MALRD1: variants seen among roughly 807,000 people sequenced by gnomAD.
The protein encoded by MALRD1 is MAM and LDL receptor class A domain containing 1.
Under a neutral mutation model 242.1 loss-of-function variants are expected in MALRD1, and 247 were observed. The ratio of observed to expected loss-of-function variants is 1.02; its 90% CI spans 0.92 to 1.13. The LOEUF (loss-of-function observed/expected upper bound fraction) is 1.13, where lower values mean the gene tolerates loss of function less well. Among genes scored for constraint, MALRD1 ranks in the 50% most tolerant of loss-of-function variants. MALRD1 has a pLI of 0.00. For missense variants in MALRD1, 2,989 were observed against 2,533.1 expected (o/e 1.18, Z -3.86); for synonymous variants, 995 against 866.6 (o/e 1.15, Z -2.60).
intron 36 of MALRD1, among the ~76,000 whole-genome samples, chr10:19,642,146 T>C (rs1840415722): frequency 6.6e-6 from 1 of 152,148 alleles, no homozygotes. Context: ...AACATATATT[T>C]TGCTTGTTAG....
chr10:19,141,410 G>A (rs545806176), intron 10 of MALRD1, among the ~76,000 whole-genome samples: 58 of 152,244 alleles, frequency 3.8e-4, no homozygotes, highest in Non-Finnish European at 7.8e-4. Context: ...TGCTTAATGG[G>A]GGTGGAGATT....
At chr10:19,420,472 G>A (rs866496849) in intron 28 of MALRD1, among the ~76,000 whole-genome samples, 1 of 151,582 alleles carries the variant, frequency 6.6e-6, no homozygotes, top group Non-Finnish European at 1.5e-5. Flanking sequence ...TCATGTATTT[G>A]TTTCCATGGA....
At chr10:19,647,135 A>T (rs1030710705) in intron 36 of MALRD1, among the ~76,000 whole-genome samples, 1 of 152,250 alleles carries the variant, frequency 6.6e-6, no homozygotes, top group African/African-American at 2.4e-5. Flanking sequence ...CTGAGGGTAC[A>T]GCTTGAAGCA....
At chr10:19,171,994 TATATATCACATATATGTGATATATATC>T (rs1482999802) in intron 13 of MALRD1, among the ~76,000 whole-genome samples, 1,308 of 11,952 alleles carry the variant, frequency 0.11, 15 homozygotes, top group East Asian at 0.23. Flanking sequence ...ATAATATATG[TATATATCACATATATGTGATATATATC>T]ATATATCACA....
intron 19 of MALRD1, among the ~76,000 whole-genome samples, chr10:19,273,330 A>T (rs1588829574): frequency 6.6e-6 from 1 of 152,150 alleles, no homozygotes; most frequent in Non-Finnish European, 1.5e-5. Flanking sequence ...AAAAGGTTTG[A>T]TATTTTCTTT....
chr10:19,675,242 A>G (rs1313160959), intron 36 of MALRD1, among the ~76,000 whole-genome samples: 2 of 152,178 alleles, frequency 1.3e-5, no homozygotes, highest in African/African-American at 4.8e-5. Flanking sequence ...TAATCTCCTA[A>G]GGACAGAATT....
rs1176184373 is a variant in MALRD1 at position 19,583,208 on chromosome 10, C to T, written c.5681-11986C>T. Among the ~76,000 whole-genome samples, 4 of 147,988 alleles carry T rather than the reference C, an allele frequency of 2.7e-5. No individual in the cohort carries two copies. In the South Asian group the frequency reaches 8.7e-4, roughly 32 times the overall value. On this transcript the variant is annotated intron_variant, in intron 33 of 39. Coordinates refer to ENST00000454679, the MANE Select transcript of MALRD1 (RefSeq NM_001142308.3). ...ACTTCCTCCTTTCCTAATTGAATAC[C>T]CTTTATTTCCTTCTCCTTCCTAATT...
At chr10:19,327,780 T>C in intron 23 of MALRD1, 107 bp downstream of exon 23, 2 of 903,382 alleles carry the variant, frequency 2.2e-6, no homozygotes, top group Non-Finnish European at 3.4e-6. Flanking sequence ...CCCTTTTTGA[T>C]GTGTTCTGTG....
chr10:19,330,534 T>A (rs1843317774), intron 23 of MALRD1, among the ~76,000 whole-genome samples: 1 of 152,176 alleles, frequency 6.6e-6, no homozygotes, highest in South Asian at 2.1e-4. Context: ...TGTTAACATA[T>A]ACATACTTAG....
chr10:19,233,077 T>C (rs2131702713), intron 18 of MALRD1, among the ~76,000 whole-genome samples: 1 of 152,366 alleles, frequency 6.6e-6, no homozygotes, highest in Non-Finnish European at 1.5e-5. Context: ...TATAAAATTT[T>C]TGTGGGTACA....
chr10:19,535,468 TATATATGTGTATATGC>T (rs1035946697), intron 32 of MALRD1, among the ~76,000 whole-genome samples: 1 of 150,652 alleles, frequency 6.6e-6, no homozygotes, highest in Non-Finnish European at 1.5e-5. Context: ...TAAATATATG[TATATATGTGTATATGC>T]ATATACATAT....
At chr10:19,111,157 TC>T (rs1269813595) in intron 5 of MALRD1, among the ~76,000 whole-genome samples, 1 of 143,560 alleles carries the variant, frequency 7.0e-6, no homozygotes, top group Non-Finnish European at 1.5e-5. Flanking sequence ...TCATATATAT[TC>T]AGAAGACAAA....
intron 24 of MALRD1, among the ~76,000 whole-genome samples, chr10:19,335,064 A>T (rs931129647): frequency 1.3e-5 from 2 of 152,130 alleles, no homozygotes; most frequent in Non-Finnish European, 2.9e-5. Flanking sequence ...TATTAAAAAC[A>T]TACTGTCTTG....
At chr10:19,651,701 A>G (rs1022679210) in intron 36 of MALRD1, among the ~76,000 whole-genome samples, 13 of 152,200 alleles carry the variant, frequency 8.5e-5, no homozygotes, top group African/African-American at 2.7e-4. Flanking sequence ...GAGCCACAAT[A>G]TAATGAGATA....
In MALRD1 at chr10:19,624,152, A is replaced by T. The variant is rs190144412; in HGVS notation, c.6137+8229A>T. Among the ~76,000 whole-genome samples, 394 of 152,216 alleles carry T rather than the reference A, an allele frequency of 2.6e-3. 6 individuals carry two copies. In the East Asian group the frequency reaches 0.059, roughly 23 times the overall value. Reference sequence around the variant, plus strand: ...ATTCACTTTGGGACCTAACAATTCCATTTATAGAATTTATTCTGTAGGCAC... The same window carrying T: ...ATTCACTTTGGGACCTAACAATTCCTTTTATAGAATTTATTCTGTAGGCAC... On this transcript the variant is annotated intron_variant, in intron 36 of 39. Coordinates refer to ENST00000454679, the MANE Select transcript of MALRD1 (RefSeq NM_001142308.3).
At chr10:19,145,629 G>A (rs1037353023) in intron 10 of MALRD1, among the ~76,000 whole-genome samples, 25 of 149,576 alleles carry the variant, frequency 1.7e-4, no homozygotes, top group African/African-American at 5.4e-4. Context: ...ACTCCAGCCT[G>A]GGTGACAGAG....
chr10:19,155,201 C>T (rs1834096956), intron 12 of MALRD1, 29 bp downstream of exon 12: 2 of 1,186,204 alleles, frequency 1.7e-6, no homozygotes, highest in South Asian at 4.3e-5. Context: ...TTTCCACTGG[C>T]CATTCTGCGG....
chr10:19,087,805 G>GTT (rs5783650), intron 2 of MALRD1, 35 bp from the exon 3 acceptor site: 3,020 of 1,061,504 alleles, frequency 2.8e-3, no homozygotes, highest in Non-Finnish European at 3.2e-3. Flanking sequence ...ATTCTTTCTG[G>GTT]TTTTTTTTTG....
At chr10:19,502,771 G>A (rs1195506225) in intron 31 of MALRD1, among the ~76,000 whole-genome samples, 3 of 152,134 alleles carry the variant, frequency 2.0e-5, no homozygotes, top group Non-Finnish European at 4.4e-5. Context: ...TACAGAGCAT[G>A]TCTTCTGCTA....
Sources: gnomAD v4.1 joint callset for allele counts (sites outside exome capture counted in the v4.1 genomes callset) on GRCh38, gnomAD v4.1.1 for gene constraint, MANE v1.5 for transcripts, NCBI Gene and HGNC (gene_info 2026-07-23, HGNC 2026-07-21) for gene names.